The following PCDHA7 variants were observed in gnomAD, a reference collection of about 807,000 sequenced individuals.
PCDHA7 encodes protocadherin alpha 7.
PCDHA7 carries 37 observed loss-of-function variants against 57.2 expected under a neutral mutation model. The observed-to-expected ratio is 0.65, with a 90% CI of 0.50 to 0.85. The LOEUF (loss-of-function observed/expected upper bound fraction) is 0.85. Ranked by LOEUF, PCDHA7 falls within the 40% of genes least tolerant of loss-of-function variation. PCDHA7 has a pLI of 0.00. For missense variants in PCDHA7, 1,188 were observed against 1,241.8 expected (o/e 0.96, Z 0.65); for synonymous variants, 553 against 558.8 (o/e 0.99, Z 0.15).
chr5:140,977,077 C>A (rs1303374839), intron 1 of PCDHA7, among the ~76,000 whole-genome samples: 1 of 152,138 alleles, frequency 6.6e-6, no homozygotes, highest in Non-Finnish European at 1.5e-5. Context: ...AGCAGCATGA[C>A]AAATTAAATG....
intron 1 of PCDHA7, among the ~76,000 whole-genome samples, chr5:140,888,286 C>T (rs1277980750): frequency 6.6e-6 from 1 of 152,080 alleles, no homozygotes; most frequent in African/African-American, 2.4e-5. Context: ...TCCCCTCTAC[C>T]CCCTACCCAG....
chr5:140,924,665 C>A (rs528625954), intron 1 of PCDHA7, among the ~76,000 whole-genome samples: 3 of 152,050 alleles, frequency 2.0e-5, no homozygotes, highest in Non-Finnish European at 4.4e-5. Flanking sequence ...GAGGCCGAGG[C>A]AGGCCAATCA....
In PCDHA7 at chr5:140,836,514, T is replaced by C; in HGVS notation, c.2131T>C (p.Leu711=). ...IIAICAVSSL[L]VLTLLLYTAL... ...CGCCATCTGCGCGGTGTCCAGTCTG[T>C]TGGTGCTTACCCTGCTGCTGTACAC... The change falls in exon 1 of 4, where the codon TTG becomes CTG. Residue 711 remains leucine, a synonymous_variant. Coordinates refer to ENST00000525929, the MANE Select transcript of PCDHA7 (RefSeq NM_018910.3). 2 of 1,613,848 alleles carry C rather than the reference T, an allele frequency of 1.2e-6. No homozygotes were observed. The highest frequency in any genetic ancestry group is 1.7e-6 in the Non-Finnish European group (2 of 1,179,866).
At chr5:140,967,909 C>A in intron 1 of PCDHA7, 1 of 1,614,206 alleles carries the variant, frequency 6.2e-7, no homozygotes, top group Non-Finnish European at 8.5e-7. Flanking sequence ...CTACACCCAA[C>A]ACCATTGTGG....
intron 1 of PCDHA7, among the ~76,000 whole-genome samples, chr5:140,899,719 C>A (rs2067514429): frequency 6.6e-6 from 1 of 152,198 alleles, no homozygotes; most frequent in Non-Finnish European, 1.5e-5. Flanking sequence ...AGGATTCCCT[C>A]TTTTTCTATT....
intron 1 of PCDHA7, chr5:140,876,415 G>A (rs782679956): frequency 6.2e-7 from 1 of 1,613,960 alleles, no homozygotes. Flanking sequence ...AGAGAATAAT[G>A]CCTATGAAAT....
In PCDHA7 at chr5:140,883,892, G is replaced by C; in HGVS notation, c.2355+47154G>C. ...CCAGGTGAGCGCGCGCGACTCTGGC[G>C]TGCCGCCTCTGGGCAGCAACGTGAC... On this transcript the variant is annotated intron_variant, in intron 1 of 3. Transcript: ENST00000525929. 4 of 1,613,362 alleles carry C rather than the reference G, an allele frequency of 2.5e-6. No homozygotes were observed. The South Asian group carries it at 4.4e-5, about 18-fold the overall frequency.
At chr5:140,942,916 A>G (rs2093393160) in intron 1 of PCDHA7, among the ~76,000 whole-genome samples, 1 of 152,158 alleles carries the variant, frequency 6.6e-6, no homozygotes, top group Non-Finnish European at 1.5e-5. Context: ...GCGTGAAGAA[A>G]AAAAAAATTG....
intron 1 of PCDHA7, among the ~76,000 whole-genome samples, chr5:140,920,775 T>G (rs1007654952): frequency 5.4e-5 from 8 of 147,470 alleles, no homozygotes; most frequent in African/African-American, 1.8e-4. Context: ...ACCTGGGAGG[T>G]GGAGGTTGCA....
At chr5:140,889,054 T>C in intron 1 of PCDHA7, among the ~76,000 whole-genome samples, 1 of 152,100 alleles carries the variant, frequency 6.6e-6, no homozygotes, top group Non-Finnish European at 1.5e-5. Flanking sequence ...TTTATAATCC[T>C]TTTAATATAC....
chr5:140,966,674 G>T, intron 1 of PCDHA7: 1 of 1,295,168 alleles, frequency 7.7e-7, no homozygotes, highest in Admixed American at 3.8e-5. Flanking sequence ...GGCGCAGGGT[G>T]GCACGAGCGG....
chr5:140,869,694 GA>G, intron 1 of PCDHA7: 1 of 1,613,394 alleles, frequency 6.2e-7, no homozygotes, highest in Non-Finnish European at 8.5e-7. Context: ...TTATTTTAAA[GA>G]AGTCTCTGGA....
At chr5:140,938,835 CA>C (rs2092222540) in intron 1 of PCDHA7, among the ~76,000 whole-genome samples, 1 of 152,008 alleles carries the variant, frequency 6.6e-6, no homozygotes, top group African/African-American at 2.4e-5. Flanking sequence ...TGCGTTATAA[CA>C]AACCTGCCCA....
intron 1 of PCDHA7, among the ~76,000 whole-genome samples, chr5:140,919,139 C>T (rs1294020429): frequency 6.6e-6 from 1 of 152,120 alleles, no homozygotes; most frequent in Non-Finnish European, 1.5e-5. Context: ...TTTTGGGGCT[C>T]TATTATTAGA....
intron 1 of PCDHA7, among the ~76,000 whole-genome samples, chr5:140,889,411 T>A (rs1262087176): frequency 6.6e-6 from 1 of 152,020 alleles, no homozygotes; most frequent in Non-Finnish European, 1.5e-5. Flanking sequence ...CTCGAGTCAG[T>A]TACGTAGATA....
At chr5:140,870,193 C>T in intron 1 of PCDHA7, 2 of 1,614,156 alleles carry the variant, frequency 1.2e-6, no homozygotes, top group Non-Finnish European at 8.5e-7. Flanking sequence ...GGACGCTCAG[C>T]CCAGCACGGT....
At chr5:140,948,865 C>T (rs1358865868) in intron 1 of PCDHA7, among the ~76,000 whole-genome samples, 4 of 151,324 alleles carry the variant, frequency 2.6e-5, no homozygotes, top group African/African-American at 4.8e-5. Flanking sequence ...TATATTACTT[C>T]GGGTTTACTT....
intron 1 of PCDHA7, chr5:140,871,313 C>A (rs371295919): frequency 1.4e-5 from 23 of 1,613,924 alleles, no homozygotes; most frequent in African/African-American, 9.3e-5. Context: ...GGGAAGCCCA[C>A]GCTGGTGTGC....
At chr5:141,002,759 G>A (rs1312107218) in intron 3 of PCDHA7, among the ~76,000 whole-genome samples, 1 of 152,214 alleles carries the variant, frequency 6.6e-6, no homozygotes, top group Non-Finnish European at 1.5e-5. Flanking sequence ...ACCCTGTGAT[G>A]TAGACAGGAA....
Sources: allele counts gnomAD v4.1 joint callset (sites outside exome capture counted in the v4.1 genomes callset), GRCh38; gene constraint gnomAD v4.1.1; transcripts MANE v1.5; gene names NCBI Gene and HGNC (gene_info 2026-07-23, HGNC 2026-07-21).